Variants in AP3B1 observed in about 807,000 individuals in gnomAD.
The protein encoded by AP3B1 is AP-3 complex subunit beta-1.
Under a neutral mutation model 132.5 loss-of-function variants are expected in AP3B1, and 61 were observed. That is an observed-to-expected ratio of 0.46 (90% CI 0.37 to 0.57). AP3B1 has a LOEUF of 0.57. Among genes scored for constraint, AP3B1 ranks in the 20% least tolerant of loss-of-function variants. The pLI is 0.00. For synonymous variants in AP3B1, 388 were observed against 438.3 expected (o/e 0.89, Z 1.43); for missense variants, 1,120 against 1,289.4 (o/e 0.87, Z 2.01).
At chr5:78,177,051 T>C (rs777364873) in intron 9 of AP3B1, among the ~76,000 whole-genome samples, 18 of 152,190 alleles carry the variant, frequency 1.2e-4, no homozygotes, top group Non-Finnish European at 4.4e-5. Context: ...TTGCCATACC[T>C]AAAAATTTCA....
At chr5:78,075,185 G>T (rs1461102910) in intron 22 of AP3B1, among the ~76,000 whole-genome samples, 1 of 152,104 alleles carries the variant, frequency 6.6e-6, no homozygotes, top group East Asian at 1.9e-4. Flanking sequence ...GAACTGGTAG[G>T]GGGGTGGTTG....
At position 78,047,101 on chromosome 5, in the gene AP3B1, T is replaced by C. The variant is rs147051610; in HGVS notation, c.2578-7827A>G. ...CACATTTTCTTTATCCAGTCTATCA[T>C]TGATGGACATTTGGGTTACTTCCAA... On this transcript the variant is annotated intron_variant, in intron 22 of 26. Transcript: ENST00000255194. Among the ~76,000 whole-genome samples the C allele has an allele frequency of 3.2e-3, 492 of 152,354 alleles. 4 individuals carry two copies. The highest frequency in any genetic ancestry group is 6.1e-3 in the Admixed American group (93 of 15,298).
intron 18 of AP3B1, among the ~76,000 whole-genome samples, chr5:78,114,515 A>G (rs1751737215): frequency 6.6e-6 from 1 of 152,186 alleles, no homozygotes; most frequent in Admixed American, 6.5e-5. Context: ...ACACTGAGGA[A>G]TTATACTTTT....
intron 5 of AP3B1, among the ~76,000 whole-genome samples, chr5:78,226,377 T>C (rs935119291): frequency 2.6e-5 from 4 of 152,074 alleles, no homozygotes; most frequent in Non-Finnish European, 4.4e-5. Flanking sequence ...GGACAAACTT[T>C]TTAATTCTTT....
At chr5:78,176,339 A>G (rs1744146542) in intron 9 of AP3B1, among the ~76,000 whole-genome samples, 1 of 147,618 alleles carries the variant, frequency 6.8e-6, no homozygotes, top group Non-Finnish European at 1.5e-5. Flanking sequence ...TGAACTAGCC[A>G]TAGGAAAAAA....
At chr5:78,293,195 T>G (rs1749609015) in intron 1 of AP3B1, among the ~76,000 whole-genome samples, 1 of 152,102 alleles carries the variant, frequency 6.6e-6, no homozygotes, top group African/African-American at 2.4e-5. Context: ...CTGACAAAAA[T>G]CTAAGAGAAA....
At chr5:78,023,340 C>T (rs888020727) in intron 24 of AP3B1, among the ~76,000 whole-genome samples, 1 of 151,880 alleles carries the variant, frequency 6.6e-6, no homozygotes, top group Non-Finnish European at 1.5e-5. Flanking sequence ...TACTTGGGAG[C>T]GTGAGCTGGG....
chr5:78,255,030 T>A (rs1158341410), intron 2 of AP3B1, among the ~76,000 whole-genome samples: 2 of 152,102 alleles, frequency 1.3e-5, no homozygotes, highest in Non-Finnish European at 2.9e-5. Flanking sequence ...ACTATCAGGT[T>A]AAAATAATGG....
chr5:78,109,836 A>G (rs1751496949), intron 20 of AP3B1, among the ~76,000 whole-genome samples: 1 of 152,156 alleles, frequency 6.6e-6, no homozygotes, highest in Non-Finnish European at 1.5e-5. Flanking sequence ...AAGCCTTAAA[A>G]CACACTCTAT....
chr5:78,053,174 CA>C (rs1334439408), intron 22 of AP3B1, among the ~76,000 whole-genome samples: 1 of 152,140 alleles, frequency 6.6e-6, no homozygotes, highest in Non-Finnish European at 1.5e-5. Flanking sequence ...CCATTATAAC[CA>C]AGCTCAGAAC....
At position 78,198,866 on chromosome 5, in the gene AP3B1, G is replaced by A. The variant is rs190108469; in HGVS notation, c.786+17189C>T. Among the ~76,000 whole-genome samples, 913 of 152,222 alleles carry A rather than the reference G, an allele frequency of 6.0e-3. 3 individuals carry two copies. Among genetic ancestry groups the A allele is most frequent in the Non-Finnish European group, 0.011 (767 of 68,006 alleles). On this transcript the variant is annotated intron_variant, in intron 7 of 26. Coordinates refer to ENST00000255194, the MANE Select transcript of AP3B1 (RefSeq NM_003664.5). ...GATAATTCACTGGAAAAAAATTCAC[G>A]TTTAATAAAACTTTTAATTTAGTAT...
chr5:78,174,539 C>CAGCACAGCAAATACTGT lies in AP3B1; in HGVS notation c.1167+1070_1167+1086dup, dbSNP rs545042702. The stretch of plus-strand genomic sequence containing the variant: ...GGAGGCTGCAGCACAGCAAATGCTG[C>CAGCACAGCAAATACTGT]AGCACAGCAAATACTGTAGAACAGC... On this transcript the variant is annotated intron_variant, in intron 11 of 26. Transcript: ENST00000255194. 8.3e-3 allele frequency among the ~76,000 whole-genome samples: 1,265 copies of CAGCACAGCAAATACTGT among 152,308 alleles called. 10 individuals are homozygous for CAGCACAGCAAATACTGT. The highest frequency in any genetic ancestry group is 0.024 in the Middle Eastern group (7 of 292).
chr5:78,080,072 G>A (rs564783370), intron 22 of AP3B1, among the ~76,000 whole-genome samples: 6 of 152,060 alleles, frequency 3.9e-5, no homozygotes, highest in South Asian at 2.1e-4. Context: ...GCAGTGGTGC[G>A]ATCCTGGCTC....
chr5:78,129,006 T>C lies in AP3B1; in HGVS notation c.1837+115A>G, dbSNP rs548416993. On this transcript the variant is annotated intron_variant, in intron 16 of 26. Transcript: ENST00000255194. Reference sequence around the variant, plus strand: ...AAAGCATGCTGTTCTTATATATTTATATATGCGAATCATTTATATTTCCTA... The same window carrying C: ...AAAGCATGCTGTTCTTATATATTTACATATGCGAATCATTTATATTTCCTA... 3.7e-5 allele frequency: 32 copies of C among 870,628 alleles called. No homozygotes were observed. The African/African-American group carries it at 4.8e-4, about 13-fold the overall frequency. 53.9% of individuals were successfully genotyped at this position (870,628 alleles called of 1,614,324 possible). A position where few individuals can be genotyped will look rare whatever the true frequency, so the allele number is the denominator to read the frequency against.
At chr5:78,048,151 T>C (rs1748420517) in intron 22 of AP3B1, among the ~76,000 whole-genome samples, 1 of 152,246 alleles carries the variant, frequency 6.6e-6, no homozygotes, top group Non-Finnish European at 1.5e-5. Flanking sequence ...TTGGATTTCC[T>C]TTATGAAAAT....
At chr5:78,039,981 A>G (rs956460269) in intron 22 of AP3B1, among the ~76,000 whole-genome samples, 1 of 151,396 alleles carries the variant, frequency 6.6e-6, no homozygotes, top group Non-Finnish European at 1.5e-5. Context: ...CAGTTTGTCA[A>G]TTGATTTTCT....
chr5:78,028,258 G>C (rs1466531294), intron 24 of AP3B1, among the ~76,000 whole-genome samples: 1 of 151,786 alleles, frequency 6.6e-6, no homozygotes, highest in Non-Finnish European at 1.5e-5. Context: ...TCAGGAGTTT[G>C]AGACTAGCCT....
At chr5:78,151,425 T>C (rs1471972716) in intron 14 of AP3B1, among the ~76,000 whole-genome samples, 2 of 152,188 alleles carry the variant, frequency 1.3e-5, no homozygotes, top group East Asian at 1.9e-4. Flanking sequence ...TGGACATCCT[T>C]GTTATGTTTC....
At chr5:78,105,239 T>G (rs1017076824) in intron 20 of AP3B1, among the ~76,000 whole-genome samples, 3 of 152,272 alleles carry the variant, frequency 2.0e-5, no homozygotes, top group African/African-American at 7.2e-5. Context: ...AACTAGAATA[T>G]TGCATCATGA....
Sources: allele counts gnomAD v4.1 joint callset (sites outside exome capture counted in the v4.1 genomes callset), GRCh38; gene constraint gnomAD v4.1.1; transcripts MANE v1.5; gene names NCBI Gene and HGNC (gene_info 2026-07-23, HGNC 2026-07-21).